The following ANO10 variants were observed in gnomAD, a reference collection of about 807,000 sequenced individuals.
The protein encoded by ANO10 is anoctamin-10.
ANO10 carries 77 observed loss-of-function variants against 74.7 expected under a neutral mutation model. The observed-to-expected ratio is 1.03, with a 90% confidence interval of 0.86 to 1.25. The LOEUF (loss-of-function observed/expected upper bound fraction) is 1.25, where lower values mean the gene tolerates loss of function less well. ANO10 is among the 50% of genes most tolerant of loss of function. The probability of loss-of-function intolerance (pLI) is 0.00; values close to 1 mark genes in which losing one functional copy is unlikely to be tolerated. For synonymous variants in ANO10, 279 were observed against 284.9 expected (o/e 0.98, Z 0.21); for missense variants, 721 against 778.1 (o/e 0.93, Z 0.87).
chr3:43,624,166 C>G (rs1156377244), upstream of ANO10, among the ~76,000 whole-genome samples: 4 of 152,040 alleles, frequency 2.6e-5, no homozygotes, highest in East Asian at 7.7e-4. Flanking sequence ...GACATAGATC[C>G]CTATATAGTA....
intron 12 of ANO10, among the ~76,000 whole-genome samples, chr3:43,426,753 T>C (rs575435175): frequency 2.3e-4 from 35 of 152,376 alleles, no homozygotes; most frequent in Non-Finnish European, 4.6e-4. Context: ...ACTAGGATGA[T>C]ATTTACTGTC....
At chr3:43,550,914 T>G (rs1008635073) in intron 10 of ANO10, among the ~76,000 whole-genome samples, 5 of 152,164 alleles carry the variant, frequency 3.3e-5, no homozygotes, top group Non-Finnish European at 7.3e-5. Flanking sequence ...CCAGACAGTT[T>G]GTATGCAAAA....
At chr3:43,407,326 G>A (rs2092594552) in intron 12 of ANO10, among the ~76,000 whole-genome samples, 1 of 152,166 alleles carries the variant, frequency 6.6e-6, no homozygotes, top group Non-Finnish European at 1.5e-5. Context: ...GCGCAGACTG[G>A]AATTCAGACC....
intron 1 of ANO10, among the ~76,000 whole-genome samples, chr3:43,621,246 G>A (rs1257213671): frequency 2.6e-5 from 4 of 152,164 alleles, no homozygotes; most frequent in Non-Finnish European, 5.9e-5. Context: ...ATCAGACGCT[G>A]CCTATAGGGG....
chr3:43,462,848 G>A (rs112633334), intron 11 of ANO10, among the ~76,000 whole-genome samples: 4 of 152,316 alleles, frequency 2.6e-5, no homozygotes, highest in South Asian at 2.1e-4. Context: ...AGCCACTCCA[G>A]CCGTGGCTGA....
At chr3:43,497,946 G>A (rs1467965630) in intron 11 of ANO10, among the ~76,000 whole-genome samples, 1 of 152,138 alleles carries the variant, frequency 6.6e-6, no homozygotes, top group African/African-American at 2.4e-5. Flanking sequence ...ACTCATGCAT[G>A]TATCTTAATG....
At chr3:43,477,779 G>T (rs1475993659) in intron 11 of ANO10, among the ~76,000 whole-genome samples, 2 of 152,146 alleles carry the variant, frequency 1.3e-5, no homozygotes, top group Non-Finnish European at 2.9e-5. Flanking sequence ...TCCTGTTTGG[G>T]CAAGGCATAA....
intron 1 of ANO10, among the ~76,000 whole-genome samples, chr3:43,666,453 T>G (rs2083993365): frequency 6.6e-6 from 1 of 152,204 alleles, no homozygotes; most frequent in Non-Finnish European, 1.5e-5. Flanking sequence ...TTTGGGGATT[T>G]AGCCAGTATT....
intron 11 of ANO10, among the ~76,000 whole-genome samples, chr3:43,439,303 T>C (rs1351655954): frequency 2.0e-5 from 3 of 151,292 alleles, no homozygotes; most frequent in Non-Finnish European, 4.4e-5. Context: ...TTCAAAAATG[T>C]AGGAGAGAAA....
At chr3:43,659,131 C>T (rs567649618) in intron 1 of ANO10, among the ~76,000 whole-genome samples, 15 of 152,116 alleles carry the variant, frequency 9.9e-5, no homozygotes, top group Admixed American at 2.6e-4. Context: ...CAGCTCCCAG[C>T]GAGATGGGAT....
chr3:43,391,940 T>A (rs1170806172), intron 12 of ANO10, among the ~76,000 whole-genome samples: 6 of 152,188 alleles, frequency 3.9e-5, no homozygotes, highest in Non-Finnish European at 8.8e-5. Flanking sequence ...ATTTGTTACC[T>A]AGCAATAGAT....
intron 11 of ANO10, among the ~76,000 whole-genome samples, chr3:43,454,549 G>A (rs1420558282): frequency 1.3e-5 from 2 of 152,034 alleles, no homozygotes; most frequent in Non-Finnish European, 1.5e-5. Flanking sequence ...GAGAAATGGA[G>A]GGGAGGAGAC....
chr3:43,381,474 GGACAT>G, intron 12 of ANO10, among the ~76,000 whole-genome samples: 1 of 151,934 alleles, frequency 6.6e-6, no homozygotes, highest in South Asian at 2.1e-4. Context: ...GGACAAACAG[GGACAT>G]GATATAATGA....
intron 12 of ANO10, among the ~76,000 whole-genome samples, chr3:43,386,566 G>A (rs377559212): frequency 7.2e-5 from 11 of 152,090 alleles, no homozygotes; most frequent in African/African-American, 2.7e-4. Flanking sequence ...TCATGCAAAG[G>A]TTTCTCTTCC....
intron 1 of ANO10, among the ~76,000 whole-genome samples, chr3:43,680,845 G>A (rs1459086616): frequency 6.6e-6 from 1 of 152,058 alleles, no homozygotes; most frequent in Non-Finnish European, 1.5e-5. Flanking sequence ...ATAAGTGAAG[G>A]ACAAATAAAA....
At chr3:43,414,833 T>C (rs894573792) in intron 12 of ANO10, among the ~76,000 whole-genome samples, 3 of 152,172 alleles carry the variant, frequency 2.0e-5, no homozygotes, top group African/African-American at 4.8e-5. Context: ...ATTAAGAATT[T>C]TGTGTTACTT....
rs1296514700 is a variant in ANO10 at position 43,526,844 on chromosome 3, A to T, written c.1797+22876T>A. On this transcript the variant is annotated intron_variant, in intron 11 of 12. Transcript: ENST00000292246. Reference sequence around the variant, plus strand: ...TTTTAGCCCTACTTTAATCAGTAACAGCAGAGGTCCCTTAAGTTCTCTTAG... The same window carrying T: ...TTTTAGCCCTACTTTAATCAGTAACTGCAGAGGTCCCTTAAGTTCTCTTAG... Among the ~76,000 whole-genome samples the T allele has an allele frequency of 2.0e-5, 3 of 152,250 alleles. No individual in the cohort carries two copies. In the East Asian group the frequency reaches 5.8e-4, roughly 29 times the overall value.
chr3:43,624,456 G>A (rs1299149914), upstream of ANO10, among the ~76,000 whole-genome samples: 2 of 152,268 alleles, frequency 1.3e-5, no homozygotes, highest in East Asian at 1.9e-4. Flanking sequence ...TGCTGTCCTC[G>A]AAATAGTGAG....
intron 11 of ANO10, among the ~76,000 whole-genome samples, chr3:43,471,068 T>G (rs568063419): frequency 6.6e-6 from 1 of 152,338 alleles, no homozygotes; most frequent in Admixed American, 6.5e-5. Flanking sequence ...AGTCTGGTTG[T>G]AGAATAATTT....
Sources: allele counts gnomAD v4.1 joint callset (sites outside exome capture counted in the v4.1 genomes callset), GRCh38; gene constraint gnomAD v4.1.1; transcripts MANE v1.5; gene names NCBI Gene and HGNC (gene_info 2026-07-23, HGNC 2026-07-21).